The following GRM7 variants were observed in gnomAD, a reference collection of about 807,000 sequenced individuals.
GRM7 encodes metabotropic glutamate receptor 7.
GRM7 carries 35 observed loss-of-function variants against 84.5 expected under a neutral mutation model. The observed-to-expected ratio is 0.41, with a 90% CI of 0.32 to 0.55. The LOEUF (loss-of-function observed/expected upper bound fraction) is 0.55. Ranked by LOEUF, GRM7 falls within the 20% of genes least tolerant of loss-of-function variation. The pLI is 0.19. For missense variants in GRM7, 1,003 were observed against 1,194.6 expected, an observed-to-expected ratio of 0.84 and a Z score of 2.36; for synonymous variants, 487 against 455.1, an observed-to-expected ratio of 1.07 and a Z score of -0.89.
chr3:7,705,619 A>G lies in GRM7; in HGVS notation c.2698+25324A>G, dbSNP rs1701359373. 2.0e-5 allele frequency among the ~76,000 whole-genome samples: 3 copies of G among 152,228 alleles called. No homozygotes were observed. The South Asian group carries it at 6.2e-4, about 32-fold the overall frequency. On this transcript the variant is annotated intron_variant, in intron 9 of 9. Coordinates refer to ENST00000357716, the MANE Select transcript of GRM7 (RefSeq NM_000844.4). ...ATGTGTAGGCATTAATAAACACAAA[A>G]TGGATGGGAAAGCTAGGCAAAGAGA...
intron 2 of GRM7, among the ~76,000 whole-genome samples, chr3:7,231,965 A>T (rs544984768): frequency 2.0e-5 from 3 of 152,330 alleles, no homozygotes; most frequent in East Asian, 3.9e-4. Context: ...GAGAGATGTG[A>T]ACAGATAACT....
intron 1 of GRM7, among the ~76,000 whole-genome samples, chr3:6,895,350 G>C (rs894037828): frequency 1.3e-5 from 2 of 152,138 alleles, no homozygotes; most frequent in Non-Finnish European, 2.9e-5. Context: ...TAAGATTCTA[G>C]CTCTTTGAAC....
chr3:7,656,710 G>A (rs1400772834), intron 8 of GRM7, among the ~76,000 whole-genome samples: 1 of 151,976 alleles, frequency 6.6e-6, no homozygotes, highest in East Asian at 1.9e-4. Flanking sequence ...CCACTTAAAA[G>A]TGTCAATTAC....
intron 4 of GRM7, among the ~76,000 whole-genome samples, chr3:7,352,040 TCACACACACACACACACCA>T (rs1693171798): frequency 7.6e-6 from 1 of 132,120 alleles, no homozygotes; most frequent in Admixed American, 8.5e-5. Context: ...TCTCTCTCTC[TCACACACACACACACACCA>T]CACACACACA....
chr3:7,096,238 C>T (rs1384638010), intron 1 of GRM7, among the ~76,000 whole-genome samples: 1 of 152,016 alleles, frequency 6.6e-6, no homozygotes, highest in Non-Finnish European at 1.5e-5. Flanking sequence ...TGATGCTAAC[C>T]ACCTGGAGTG....
intron 4 of GRM7, among the ~76,000 whole-genome samples, chr3:7,396,445 G>T (rs1695215742): frequency 6.6e-6 from 1 of 151,990 alleles, no homozygotes; most frequent in Admixed American, 6.6e-5. Flanking sequence ...TCTCCAGTTA[G>T]CCTACCCTAA....
At chr3:7,422,948 A>G (rs1459440838) in intron 5 of GRM7, among the ~76,000 whole-genome samples, 24 of 152,180 alleles carry the variant, frequency 1.6e-4, no homozygotes, top group Admixed American at 1.6e-3. Flanking sequence ...ATGGATGGCA[A>G]CCCAGATCTT....
At chr3:6,866,300 T>C (rs1694935333) in intron 1 of GRM7, among the ~76,000 whole-genome samples, 1 of 152,048 alleles carries the variant, frequency 6.6e-6, no homozygotes, top group Admixed American at 6.6e-5. Context: ...TTACCCTAAA[T>C]AAATCTCTTA....
Position 7,134,307 on chromosome 3 carries a change from A to C in GRM7, c.520-12145A>C, listed in dbSNP as rs1342160276. ...CCTTATTTTCCATGTTCCATAAAAA[A>C]ATGGGATGAGACAAGTTCTAAGTGA... On this transcript the variant is annotated intron_variant, in intron 1 of 9. Transcript: ENST00000357716. Among the ~76,000 whole-genome samples, 14 of 152,258 alleles carry C rather than the reference A, an allele frequency of 9.2e-5. No individual in the cohort carries two copies. The East Asian group carries it at 2.7e-3, about 29-fold the overall frequency.
chr3:7,005,710 C>T (rs1377186558), intron 1 of GRM7, among the ~76,000 whole-genome samples: 1 of 152,104 alleles, frequency 6.6e-6, no homozygotes, highest in Non-Finnish European at 1.5e-5. Flanking sequence ...ATTCAAAAAT[C>T]CAGGCTTACT....
At chr3:7,504,553 G>T (rs756726020) in intron 7 of GRM7, among the ~76,000 whole-genome samples, 1 of 152,204 alleles carries the variant, frequency 6.6e-6, no homozygotes, top group Non-Finnish European at 1.5e-5. Context: ...GTCTGCATCT[G>T]GTAAGGGCCT....
intron 2 of GRM7, among the ~76,000 whole-genome samples, chr3:7,196,574 G>T (rs900054916): frequency 6.6e-6 from 1 of 152,016 alleles, no homozygotes; most frequent in Non-Finnish European, 1.5e-5. Flanking sequence ...TGTTCCCTCT[G>T]CCCGAAATGG....
intron 2 of GRM7, among the ~76,000 whole-genome samples, chr3:7,167,886 G>A (rs559491768): frequency 1.1e-3 from 155 of 147,478 alleles, no homozygotes; most frequent in African/African-American, 3.5e-3. Flanking sequence ...GGAGAATGGC[G>A]TGAACCCGGG....
chr3:6,906,188 A>G (rs1696572530), intron 1 of GRM7, among the ~76,000 whole-genome samples: 1 of 152,122 alleles, frequency 6.6e-6, no homozygotes, highest in Non-Finnish European at 1.5e-5. Flanking sequence ...GACTTGGGCA[A>G]TGGGGGCACT....
intron 7 of GRM7, among the ~76,000 whole-genome samples, chr3:7,550,462 C>T (rs1693398746): frequency 7.5e-6 from 1 of 134,082 alleles, no homozygotes; most frequent in Admixed American, 7.6e-5. Flanking sequence ...TCCTTTCTCT[C>T]CCTCTCTCCT....
At chr3:7,468,446 A>G (rs1698551262) in intron 7 of GRM7, among the ~76,000 whole-genome samples, 1 of 152,210 alleles carries the variant, frequency 6.6e-6, no homozygotes, top group Non-Finnish European at 1.5e-5. Context: ...GGTAGTACCT[A>G]TTTCACTGAG....
intron 9 of GRM7, among the ~76,000 whole-genome samples, chr3:7,717,999 C>T (rs1701824122): frequency 6.6e-6 from 1 of 152,074 alleles, no homozygotes; most frequent in Admixed American, 6.5e-5. Flanking sequence ...TGCGGACTAG[C>T]AAGAGTGACA....
At chr3:7,179,058 A>G (rs376244684) in intron 2 of GRM7, among the ~76,000 whole-genome samples, 6 of 152,300 alleles carry the variant, frequency 3.9e-5, no homozygotes, top group Admixed American at 3.9e-4. Context: ...GTGAGCGGAG[A>G]TTGTGCCACT....
At chr3:6,884,419 TA>T (rs1164124508) in intron 1 of GRM7, 10 of 152,602 alleles carry the variant, frequency 6.6e-5, no homozygotes, top group Non-Finnish European at 1.2e-4. Context: ...CAGGTTAGTA[TA>T]AAGAATTCCT....
Sources: gnomAD v4.1 joint callset for allele counts (sites outside exome capture counted in the v4.1 genomes callset) on GRCh38, gnomAD v4.1.1 for gene constraint, MANE v1.5 for transcripts, NCBI Gene and HGNC (gene_info 2026-07-23, HGNC 2026-07-21) for gene names.